The following FAM107B variants were observed in gnomAD, a reference collection of about 807,000 sequenced individuals.
The protein encoded by FAM107B is protein FAM107B.
In FAM107B, 21 loss-of-function variants were observed where a neutral mutation model predicts 31.5. That is an observed-to-expected ratio of 0.67 (90% CI 0.47 to 0.96). The LOEUF (loss-of-function observed/expected upper bound fraction) is 0.96, where lower values mean the gene tolerates loss of function less well. FAM107B is among the 40% of genes least tolerant of loss of function. The pLI, the probability that FAM107B is intolerant of heterozygous loss-of-function variation, is 0.00. For synonymous variants in FAM107B, 157 were observed against 141.5 expected (o/e 1.11, Z -0.78); for missense variants, 452 against 377.1 (o/e 1.20, Z -1.64).
At chr10:14,680,391 T>C (rs1013557418) in intron 1 of FAM107B, among the ~76,000 whole-genome samples, 1 of 151,912 alleles carries the variant, frequency 6.6e-6, no homozygotes, top group Non-Finnish European at 1.5e-5. Context: ...CAGACCAACA[T>C]GGCGAAACCT....
At chr10:14,632,989 AG>A (rs1853406872) in intron 2 of FAM107B, among the ~76,000 whole-genome samples, 1 of 152,196 alleles carries the variant, frequency 6.6e-6, no homozygotes, top group Non-Finnish European at 1.5e-5. Context: ...ACTCGAGGTC[AG>A]GAGTTCGAGA....
At chr10:14,531,430 G>A (rs898445973) in intron 2 of FAM107B, among the ~76,000 whole-genome samples, 2 of 151,802 alleles carry the variant, frequency 1.3e-5, no homozygotes, top group South Asian at 4.2e-4. Context: ...TGAGGTGGGA[G>A]AATCACTTGA....
At chr10:14,556,689 C>T (rs1034577261) in intron 2 of FAM107B, among the ~76,000 whole-genome samples, 7 of 152,256 alleles carry the variant, frequency 4.6e-5, no homozygotes, top group African/African-American at 1.7e-4. Flanking sequence ...GCAAGTGCCA[C>T]TTCTCAAAGA....
intron 1 of FAM107B, among the ~76,000 whole-genome samples, chr10:14,736,422 A>AAATC (rs1856300830): frequency 6.6e-6 from 1 of 152,210 alleles, no homozygotes; most frequent in African/African-American, 2.4e-5. Context: ...AGTTCGCCTC[A>AAATC]ATCTAAGGGA....
At chr10:14,703,328 T>TTC (rs1491480179) in intron 1 of FAM107B, among the ~76,000 whole-genome samples, 1 of 124,566 alleles carries the variant, frequency 8.0e-6, no homozygotes, top group African/African-American at 3.6e-5. Context: ...CTTCTTCTTC[T>TTC]TTTTTTTTTT....
chr10:14,532,546 C>T (rs1227051324), intron 2 of FAM107B: 2 of 152,172 alleles, frequency 1.3e-5, no homozygotes, highest in Non-Finnish European at 2.9e-5. Flanking sequence ...CTTTTAACAA[C>T]AAGAATGCCT....
chr10:14,660,336 G>A (rs1854200855), intron 2 of FAM107B, among the ~76,000 whole-genome samples: 1 of 152,088 alleles, frequency 6.6e-6, no homozygotes, highest in Admixed American at 6.5e-5. Flanking sequence ...GCAAATTGAA[G>A]CCAACGTTTT....
chr10:14,577,495 A>G (rs4748098), intron 2 of FAM107B, among the ~76,000 whole-genome samples: 67,545 of 152,094 alleles, frequency 0.44, 16,256 homozygotes, highest in Middle Eastern at 0.63. Flanking sequence ...CATAGTACGA[A>G]GAAATAAAAA....
At chr10:14,586,228 T>C (rs1307220205) in intron 2 of FAM107B, among the ~76,000 whole-genome samples, 2 of 151,954 alleles carry the variant, frequency 1.3e-5, no homozygotes, top group Non-Finnish European at 2.9e-5. Context: ...TCCTCCTCCA[T>C]CCCAGGCCAC....
At chr10:14,674,973 T>C (rs1854646951) in intron 1 of FAM107B, among the ~76,000 whole-genome samples, 1 of 152,172 alleles carries the variant, frequency 6.6e-6, no homozygotes, top group Non-Finnish European at 1.5e-5. Context: ...ATTACAGGCA[T>C]GAGCCATTGT....
chr10:14,600,433 G>A (rs1159779454), intron 2 of FAM107B, among the ~76,000 whole-genome samples: 6 of 152,068 alleles, frequency 3.9e-5, no homozygotes, highest in Non-Finnish European at 5.9e-5. Context: ...ACTGATGGGC[G>A]CTAGGCAAAT....
At chr10:14,622,272 CT>C (rs1853030658) in intron 2 of FAM107B, among the ~76,000 whole-genome samples, 1 of 151,244 alleles carries the variant, frequency 6.6e-6, no homozygotes, top group Admixed American at 6.6e-5. Context: ...ACAATAAATG[CT>C]GTGATGGACA....
chr10:14,609,186 T>A (rs1224097519), intron 2 of FAM107B, among the ~76,000 whole-genome samples: 6 of 152,202 alleles, frequency 3.9e-5, no homozygotes, highest in Non-Finnish European at 7.4e-5. Context: ...TAAATCAGTG[T>A]TTTAGATACC....
At chr10:14,641,241 T>C (rs572674124) in intron 2 of FAM107B, among the ~76,000 whole-genome samples, 1 of 152,358 alleles carries the variant, frequency 6.6e-6, no homozygotes, top group East Asian at 1.9e-4. Flanking sequence ...TTCCAAGCTA[T>C]ATATTAAGTA....
intron 2 of FAM107B, chr10:14,548,814 A>ACACATG (rs1245502612): frequency 8.0e-6 from 1 of 125,362 alleles, no homozygotes; most frequent in African/African-American, 3.3e-5. Flanking sequence ...CTCTACAAGT[A>ACACATG]CACATGCACA....
chr10:14,648,260 G>A (rs776786455), intron 2 of FAM107B, among the ~76,000 whole-genome samples: 6 of 152,136 alleles, frequency 3.9e-5, no homozygotes, highest in African/African-American at 1.4e-4. Context: ...TAGTAAAACC[G>A]AACTGCTGGG....
chr10:14,593,943 T>C (rs1027233075), intron 2 of FAM107B, among the ~76,000 whole-genome samples: 1 of 152,182 alleles, frequency 6.6e-6, no homozygotes, highest in East Asian at 1.9e-4. Context: ...TACAATTAGA[T>C]AAACATGTTG....
chr10:14,756,575 T>C (rs1385789364), intron 1 of FAM107B, among the ~76,000 whole-genome samples: 4 of 152,204 alleles, frequency 2.6e-5, no homozygotes, highest in Admixed American at 2.0e-4. Context: ...GGTGTGTAAA[T>C]TAGTTCAGCC....
At chr10:14,632,300 GT>G (rs1442964433) in intron 2 of FAM107B, among the ~76,000 whole-genome samples, 1 of 61,342 alleles carries the variant, frequency 1.6e-5, no homozygotes, top group African/African-American at 6.7e-5. Flanking sequence ...GCGAGACTCT[GT>G]CTCAAAAAAA....
Sources: gnomAD v4.1 joint callset for allele counts (sites outside exome capture counted in the v4.1 genomes callset) on GRCh38, gnomAD v4.1.1 for gene constraint, MANE v1.5 for transcripts, NCBI Gene and HGNC (gene_info 2026-07-23, HGNC 2026-07-21) for gene names.